The following C1orf87 variants were observed in gnomAD, a reference collection of about 807,000 sequenced individuals.
C1orf87 encodes the protein uncharacterized protein C1orf87.
C1orf87 carries 58 observed loss-of-function variants against 60.5 expected under a neutral mutation model. The observed-to-expected ratio is 0.96, with a 90% CI of 0.78 to 1.19. The LOEUF (loss-of-function observed/expected upper bound fraction) is 1.19. C1orf87 is among the 50% of genes most tolerant of loss of function. The pLI, the probability that C1orf87 is intolerant of heterozygous loss-of-function variation, is 0.00. For missense variants in C1orf87, 673 were observed against 638.6 expected, an observed-to-expected ratio of 1.05 and a Z score of -0.58; for synonymous variants, 236 against 227.4, an observed-to-expected ratio of 1.04 and a Z score of -0.34.
At chr1:60,051,647 G>A (rs905093343) in intron 3 of C1orf87, among the ~76,000 whole-genome samples, 2 of 152,162 alleles carry the variant, frequency 1.3e-5, no homozygotes, top group East Asian at 1.9e-4. Context: ...GGGGTGATTT[G>A]TTACGCAGCA....
chr1:60,015,403 C>T (rs1338777548), intron 8 of C1orf87, among the ~76,000 whole-genome samples: 1 of 152,102 alleles, frequency 6.6e-6, no homozygotes, highest in Non-Finnish European at 1.5e-5. Context: ...GTTTATAAAC[C>T]ACCCAGTCAA....
At chr1:60,049,631 A>G (rs968180729) in intron 3 of C1orf87, among the ~76,000 whole-genome samples, 1 of 152,060 alleles carries the variant, frequency 6.6e-6, no homozygotes, top group Non-Finnish European at 1.5e-5. Flanking sequence ...TCCTCATTGT[A>G]TCTGCATTTT....
chr1:60,052,116 AC>A (rs1275299488), intron 3 of C1orf87, among the ~76,000 whole-genome samples: 2 of 152,218 alleles, frequency 1.3e-5, no homozygotes, highest in African/African-American at 4.8e-5. Context: ...ACAAGGGAAA[AC>A]ACACAAAAGG....
At chr1:60,022,574 G>T (rs921140950) in intron 8 of C1orf87, among the ~76,000 whole-genome samples, 1 of 152,014 alleles carries the variant, frequency 6.6e-6, no homozygotes, top group African/African-American at 2.4e-5. Flanking sequence ...TATATCCTAT[G>T]CACAAATTTC....
At chr1:60,004,447 G>C (rs535044608) in intron 9 of C1orf87, among the ~76,000 whole-genome samples, 7 of 151,850 alleles carry the variant, frequency 4.6e-5, no homozygotes, top group Non-Finnish European at 8.8e-5. Context: ...GACATTTTTT[G>C]GGACACTGTT....
intron 2 of C1orf87, among the ~76,000 whole-genome samples, chr1:60,068,199 C>T: frequency 6.6e-6 from 1 of 152,086 alleles, no homozygotes; most frequent in East Asian, 1.9e-4. Flanking sequence ...CTCCACATCT[C>T]TCTGTCTGAA....
intron 6 of C1orf87, among the ~76,000 whole-genome samples, chr1:60,036,594 A>G (rs1645279033): frequency 6.6e-6 from 1 of 152,154 alleles, no homozygotes; most frequent in Non-Finnish European, 1.5e-5. Flanking sequence ...TATCATGCCC[A>G]TTTTACAGTT....
In C1orf87 at chr1:60,034,837, T is replaced by C. The variant is rs115596867; in HGVS notation, c.864-1196A>G. Among the ~76,000 whole-genome samples the C allele has an allele frequency of 2.5e-3, 380 of 152,322 alleles. 3 individuals carry two copies. Among genetic ancestry groups the C allele is most frequent in the African/African-American group, 8.6e-3 (356 of 41,578 alleles). On this transcript the variant is annotated intron_variant, in intron 6 of 11. Transcript: ENST00000371201. ...GCTCTAAGAGGTCAAGTCTGTTTTG[T>C]TCCTTACTGTTTCCCAGGGATCTTG...
intron 2 of C1orf87, among the ~76,000 whole-genome samples, chr1:60,065,078 TA>T (rs1020283547): frequency 6.4e-5 from 5 of 78,602 alleles, no homozygotes; most frequent in African/African-American, 2.3e-4. Context: ...ATATATATCT[TA>T]TTTGTTCTGC....
At chr1:60,058,545 A>G (rs1645472654) in intron 2 of C1orf87, among the ~76,000 whole-genome samples, 1 of 152,212 alleles carries the variant, frequency 6.6e-6, no homozygotes, top group African/African-American at 2.4e-5. Flanking sequence ...ATTATTGCTG[A>G]ACATTTAACA....
At chr1:60,024,855 T>C (rs1244378209) in intron 8 of C1orf87, among the ~76,000 whole-genome samples, 1 of 152,214 alleles carries the variant, frequency 6.6e-6, no homozygotes, top group Non-Finnish European at 1.5e-5. Context: ...ATGGTAAGTC[T>C]AGTCCCTGAT....
intron 10 of C1orf87, among the ~76,000 whole-genome samples, chr1:60,000,319 G>C (rs1485524816): frequency 6.6e-6 from 1 of 152,072 alleles, no homozygotes; most frequent in Non-Finnish European, 1.5e-5. Context: ...CAAAATAAAA[G>C]AGCAAAGTAT....
chr1:60,049,813 T>G (rs753512829), intron 3 of C1orf87, among the ~76,000 whole-genome samples: 5 of 152,138 alleles, frequency 3.3e-5, no homozygotes, highest in Non-Finnish European at 7.4e-5. Context: ...AGACCCAACT[T>G]AAAACTTCTC....
intron 2 of C1orf87, among the ~76,000 whole-genome samples, chr1:60,058,031 G>T (rs1239007129): frequency 6.6e-6 from 1 of 152,230 alleles, no homozygotes; most frequent in Non-Finnish European, 1.5e-5. Context: ...TGCAAGACAG[G>T]AGTATGAGAA....
intron 2 of C1orf87, among the ~76,000 whole-genome samples, chr1:60,064,286 A>C (rs1013568587): frequency 8.3e-5 from 9 of 107,876 alleles, no homozygotes; most frequent in South Asian, 3.2e-4. Flanking sequence ...TAAATTATAT[A>C]TTATATATAT....
intron 11 of C1orf87, among the ~76,000 whole-genome samples, chr1:59,996,626 C>T (rs546779882): frequency 5.9e-5 from 9 of 152,304 alleles, no homozygotes; most frequent in African/African-American, 1.9e-4. Context: ...TCACACACAG[C>T]ATTTGCACCT....
At chr1:60,029,176 G>A (rs138148521) in intron 7 of C1orf87, among the ~76,000 whole-genome samples, 264 of 152,232 alleles carry the variant, frequency 1.7e-3, no homozygotes, top group African/African-American at 6.2e-3. Flanking sequence ...AACCTTGGGA[G>A]TCATTCTAGA....
chr1:60,008,505 A>T (rs1645061217), intron 9 of C1orf87: 1 of 232,636 alleles, frequency 4.3e-6, no homozygotes, highest in Non-Finnish European at 8.9e-6. Context: ...TAAAGAGGTG[A>T]TTAAGTAAAA....
intron 3 of C1orf87, among the ~76,000 whole-genome samples, chr1:60,051,169 G>T (rs576481299): frequency 6.6e-6 from 1 of 152,320 alleles, no homozygotes; most frequent in South Asian, 2.1e-4. Flanking sequence ...AAGTGAAATA[G>T]AGAATAGACA....
Sources: allele counts gnomAD v4.1 joint callset (sites outside exome capture counted in the v4.1 genomes callset), GRCh38; gene constraint gnomAD v4.1.1; transcripts MANE v1.5; gene names NCBI Gene and HGNC (gene_info 2026-07-23, HGNC 2026-07-21).